TBC1D4: variants seen among roughly 807,000 people sequenced by gnomAD.
TBC1D4 encodes the protein TBC (Tre-2, BUB2, CDC16) domain-containing protein.
TBC1D4 carries 121 observed loss-of-function variants against 142.5 expected under a neutral mutation model. The observed-to-expected ratio is 0.85, with a 90% confidence interval of 0.73 to 0.99. The LOEUF (loss-of-function observed/expected upper bound fraction) is 0.99, where lower values mean the gene tolerates loss of function less well. Among genes scored for constraint, TBC1D4 ranks in the 50% least tolerant of loss-of-function variants. The pLI is 0.00. For missense variants in TBC1D4, 1,475 were observed against 1,606.6 expected, an observed-to-expected ratio of 0.92 and a Z score of 1.40; for synonymous variants, 630 against 628.2, an observed-to-expected ratio of 1.00 and a Z score of -0.04.
chr13:75,441,533 T>A (rs1252896758), intron 1 of TBC1D4, among the ~76,000 whole-genome samples: 1 of 152,206 alleles, frequency 6.6e-6, no homozygotes, highest in Admixed American at 6.5e-5. Flanking sequence ...CTTGAGTAAC[T>A]TAAAAGCACT....
intron 1 of TBC1D4, among the ~76,000 whole-genome samples, chr13:75,464,052 T>C (rs1187847641): frequency 2.0e-5 from 3 of 152,234 alleles, no homozygotes; most frequent in Non-Finnish European, 4.4e-5. Flanking sequence ...TTTTCCCAGA[T>C]GTCCAAACAA....
At chr13:75,319,070 T>C (rs1247685255) in intron 12 of TBC1D4, among the ~76,000 whole-genome samples, 1 of 152,166 alleles carries the variant, frequency 6.6e-6, no homozygotes, top group Admixed American at 6.5e-5. Context: ...ACATTTCCAT[T>C]AGGCTTTTAA....
In TBC1D4 at chr13:75,336,968, T is replaced by C. The variant is rs781284641; in HGVS notation, c.1684A>G (p.Lys562Glu). 6.2e-7 allele frequency: 1 copy of C among 1,613,734 alleles called. No individual in the cohort carries two copies. The highest frequency in any genetic ancestry group is 2.2e-5 in the East Asian group (1 of 44,768). ...GRFKLDILKN[K>E]AKRSLTSSLE... is the part of the protein sequence containing the mutation. ...GAGCTAGTTAAGGATCTCTTAGCTT[T>C]ATTTTTCAGAATGTCAAGTTTGAAC... Residue 562 changes from lysine to glutamate, a missense_variant, in exon 8 of 21, where the codon AAA (lysine) becomes GAA (glutamate). Lys to Glu is a moderately conservative substitution (Grantham distance 56). This residue lies in a region of TBC1D4 where 1,227 missense variants were observed against 1,267.7 expected (regional missense o/e 0.97). Transcript: ENST00000377636.
At chr13:75,384,102 A>AAT (rs1884028076) in intron 1 of TBC1D4, among the ~76,000 whole-genome samples, 4 of 81,692 alleles carry the variant, frequency 4.9e-5, no homozygotes, top group Admixed American at 1.3e-4. Flanking sequence ...TAATAAAAAA[A>AAT]AATAATAATA....
intron 8 of TBC1D4, among the ~76,000 whole-genome samples, chr13:75,329,881 C>T (rs922409220): frequency 6.6e-6 from 1 of 152,154 alleles, no homozygotes; most frequent in Admixed American, 6.5e-5. Flanking sequence ...ATTCTAGAGC[C>T]TGTGTGTCTG....
rs941612180 is a variant in TBC1D4 at position 75,432,321 on chromosome 13, T to C, written c.498+48949A>G. Among the ~76,000 whole-genome samples the C allele has an allele frequency of 2.0e-5, 3 of 152,204 alleles. No individual in the cohort carries two copies. The South Asian group carries it at 6.2e-4, about 31-fold the overall frequency. ...CAGATGTTCTATGGCCCCAGGAACC[T>C]CGTGAGACTATGACTAAAAGGTCCA... On this transcript the variant is annotated intron_variant, in intron 1 of 20. Transcript: ENST00000377636.
chr13:75,417,024 C>T (rs936776445), intron 1 of TBC1D4, among the ~76,000 whole-genome samples: 1 of 152,178 alleles, frequency 6.6e-6, no homozygotes, highest in Non-Finnish European at 1.5e-5. Flanking sequence ...CCTTGACATG[C>T]CCAAAAGCAC....
chr13:75,480,877 G>GCGCACA (rs1197246407), intron 1 of TBC1D4, among the ~76,000 whole-genome samples: 4 of 124,064 alleles, frequency 3.2e-5, no homozygotes, highest in Non-Finnish European at 5.5e-5. Flanking sequence ...GCACACGCAC[G>GCGCACA]CACACACACA....
At chr13:75,467,158 A>G (rs1021540974) in intron 1 of TBC1D4, among the ~76,000 whole-genome samples, 1 of 152,220 alleles carries the variant, frequency 6.6e-6, no homozygotes, top group African/African-American at 2.4e-5. Flanking sequence ...CAATATGTAC[A>G]TTACAGCTTG....
intron 1 of TBC1D4, among the ~76,000 whole-genome samples, chr13:75,391,892 T>C (rs549326289): frequency 1.3e-5 from 2 of 152,334 alleles, no homozygotes; most frequent in East Asian, 3.9e-4. Context: ...TCTTTAGATC[T>C]TTACTCACCT....
intron 1 of TBC1D4, among the ~76,000 whole-genome samples, chr13:75,411,663 C>T (rs1885670880): frequency 6.6e-6 from 1 of 151,928 alleles, no homozygotes; most frequent in South Asian, 2.1e-4. Flanking sequence ...GTAGCTGGGA[C>T]TACAAGCACA....
chr13:75,343,069 T>A (rs1880843893), intron 5 of TBC1D4, among the ~76,000 whole-genome samples: 1 of 152,212 alleles, frequency 6.6e-6, no homozygotes, highest in South Asian at 2.1e-4. Flanking sequence ...TCACAGAATT[T>A]TAAAATAATG....
intron 1 of TBC1D4, among the ~76,000 whole-genome samples, chr13:75,416,548 G>C (rs9600465): frequency 0.61 from 92,338 of 151,862 alleles, 30,952 homozygotes; most frequent in South Asian, 0.73. Flanking sequence ...AGACAAAGAC[G>C]ACCCAGGCAT....
chr13:75,311,611 T>G (rs2137935650), intron 13 of TBC1D4, among the ~76,000 whole-genome samples: 1 of 152,300 alleles, frequency 6.6e-6, no homozygotes, highest in East Asian at 1.9e-4. Context: ...AACTGCTCCC[T>G]AGATCCGTTT....
At chr13:75,332,362 A>T (rs1879820698) in intron 8 of TBC1D4, among the ~76,000 whole-genome samples, 1 of 152,224 alleles carries the variant, frequency 6.6e-6, no homozygotes, top group Non-Finnish European at 1.5e-5. Flanking sequence ...AAAGGCAAAT[A>T]ATTCATCCAA....
At chr13:75,354,125 G>T (rs147835492) in intron 4 of TBC1D4, among the ~76,000 whole-genome samples, 1 of 152,158 alleles carries the variant, frequency 6.6e-6, no homozygotes, top group Non-Finnish European at 1.5e-5. Context: ...CTTGTAAGAC[G>T]AACGACATAT....
chr13:75,471,949 A>G (rs1888420835), intron 1 of TBC1D4, among the ~76,000 whole-genome samples: 1 of 151,926 alleles, frequency 6.6e-6, no homozygotes, highest in South Asian at 2.1e-4. Flanking sequence ...TCTACTAAAA[A>G]TACAAAAATT....
At chr13:75,318,050 C>T (rs1205249200) in intron 12 of TBC1D4, among the ~76,000 whole-genome samples, 2 of 152,180 alleles carry the variant, frequency 1.3e-5, no homozygotes, top group Non-Finnish European at 2.9e-5. Flanking sequence ...AAATTAACAT[C>T]CCACTTCTTA....
In TBC1D4 at chr13:75,326,394, C is replaced by G; in HGVS notation, c.1836G>C (p.Gly612=). Residue 612 remains glycine (G), a synonymous_variant, in exon 10 of 21, where the codon GGG becomes GGC. Transcript: ENST00000377636. ...AGGACGGTGGGGACGCTGGCGGTGTCCCTGGTGGAGAATCCCCTGGTGAGT... is the reference window on the plus strand; with the variant it reads ...AGGACGGTGGGGACGCTGGCGGTGTGCCTGGTGGAGAATCCCCTGGTGAGT... ...KDYSPGDSPP[G]TPPASPPSSA... 1 of 1,614,068 alleles carries G rather than the reference C, an allele frequency of 6.2e-7. No individual in the cohort carries two copies. The highest frequency in any genetic ancestry group is 1.1e-5 in the South Asian group (1 of 91,068).
Sources: allele counts gnomAD v4.1 joint callset (sites outside exome capture counted in the v4.1 genomes callset), GRCh38; gene constraint gnomAD v4.1.1; regional missense constraint gnomAD v4.1.1; transcripts MANE v1.5; gene names NCBI Gene and HGNC (gene_info 2026-07-23, HGNC 2026-07-21).